The following MAPK10 variants were observed in gnomAD, a reference collection of about 807,000 sequenced individuals.
MAPK10 encodes JNK3 alpha protein kinase.
MAPK10 carries 25 observed loss-of-function variants against 59.3 expected under a neutral mutation model. The ratio of observed to expected loss-of-function variants is 0.42; its 90% CI spans 0.31 to 0.59. The LOEUF (loss-of-function observed/expected upper bound fraction) is 0.59. MAPK10 is among the 20% of genes least tolerant of loss of function. The pLI, the probability that MAPK10 is intolerant of heterozygous loss-of-function variation, is 0.15. For synonymous variants in MAPK10, 190 were observed against 200.5 expected (o/e 0.95, Z 0.44); for missense variants, 351 against 568.9 (o/e 0.62, Z 3.90).
At chr4:86,428,332 T>C (rs1747579054) in intron 1 of MAPK10, among the ~76,000 whole-genome samples, 1 of 152,104 alleles carries the variant, frequency 6.6e-6, no homozygotes, top group South Asian at 2.1e-4. Flanking sequence ...TTTGTTTTTG[T>C]ATTTTTTGTG....
chr4:86,179,218 A>G (rs186361802), intron 3 of MAPK10, among the ~76,000 whole-genome samples: 35 of 152,192 alleles, frequency 2.3e-4, no homozygotes, highest in African/African-American at 7.7e-4. Context: ...AAATAAAAAA[A>G]GAAAGAAAAG....
At chr4:86,309,121 A>G (rs549798967) in intron 2 of MAPK10, among the ~76,000 whole-genome samples, 3 of 152,316 alleles carry the variant, frequency 2.0e-5, no homozygotes, top group Non-Finnish European at 4.4e-5. Flanking sequence ...ATGGGACAGT[A>G]TTCTTTGCTG....
At chr4:86,126,783 C>T (rs1049948526) in intron 4 of MAPK10, among the ~76,000 whole-genome samples, 6 of 151,960 alleles carry the variant, frequency 3.9e-5, no homozygotes, top group Admixed American at 6.6e-5. Flanking sequence ...AACCTTAAAT[C>T]GCCCTCCTCC....
chr4:86,506,594 T>C (rs1237463592), intron 1 of MAPK10, among the ~76,000 whole-genome samples: 1 of 152,106 alleles, frequency 6.6e-6, no homozygotes, highest in Non-Finnish European at 1.5e-5. Flanking sequence ...AATAGTTTAT[T>C]TGAAAGGGGG....
chr4:86,132,362 T>A (rs1187193549), intron 4 of MAPK10, among the ~76,000 whole-genome samples: 1 of 152,214 alleles, frequency 6.6e-6, no homozygotes, highest in Non-Finnish European at 1.5e-5. Flanking sequence ...TTTTTTGTAT[T>A]GGGAAATGCA....
At chr4:86,465,160 C>T (rs1399241474) in intron 1 of MAPK10, among the ~76,000 whole-genome samples, 1 of 152,210 alleles carries the variant, frequency 6.6e-6, no homozygotes, top group Non-Finnish European at 1.5e-5. Context: ...GGGAGACTAG[C>T]TTATGTACAT....
chr4:86,236,294 A>C (rs2092221633), intron 2 of MAPK10, among the ~76,000 whole-genome samples: 1 of 152,192 alleles, frequency 6.6e-6, no homozygotes, highest in Non-Finnish European at 1.5e-5. Context: ...ACATATTCAG[A>C]GGTTCCAGGA....
chr4:86,373,188 G>C (rs1443371720), intron 1 of MAPK10, among the ~76,000 whole-genome samples: 1 of 152,156 alleles, frequency 6.6e-6, no homozygotes, highest in Non-Finnish European at 1.5e-5. Flanking sequence ...AACGACGTTG[G>C]GAAAACTGGC....
chr4:86,428,706 C>G (rs1040378526), intron 1 of MAPK10, among the ~76,000 whole-genome samples: 3 of 152,134 alleles, frequency 2.0e-5, no homozygotes, highest in African/African-American at 7.2e-5. Flanking sequence ...AGAGTCCTTC[C>G]ACAATGTAAG....
intron 4 of MAPK10, among the ~76,000 whole-genome samples, chr4:86,128,733 A>T (rs929499222): frequency 1.2e-4 from 18 of 152,104 alleles, no homozygotes; most frequent in African/African-American, 3.9e-4. Flanking sequence ...TAGAAATAAG[A>T]AGTAAATTTT....
At chr4:86,412,782 A>G (rs1485561154) in intron 1 of MAPK10, among the ~76,000 whole-genome samples, 4 of 152,086 alleles carry the variant, frequency 2.6e-5, no homozygotes, top group Non-Finnish European at 5.9e-5. Context: ...TACACTGTTT[A>G]TTCTAGTTAG....
At chr4:86,520,113 A>G (rs1370125967) in intron 1 of MAPK10, among the ~76,000 whole-genome samples, 1 of 152,194 alleles carries the variant, frequency 6.6e-6, no homozygotes. Flanking sequence ...TCTTTCTGCA[A>G]TGAATTTCCT....
chr4:86,530,373 A>T (rs1336843667), intron 1 of MAPK10, among the ~76,000 whole-genome samples: 2 of 152,204 alleles, frequency 1.3e-5, no homozygotes, highest in African/African-American at 4.8e-5. Context: ...TATTGCATGA[A>T]TGAATGGATG....
chr4:86,400,912 A>C (rs540425857), intron 1 of MAPK10, among the ~76,000 whole-genome samples: 19 of 152,310 alleles, frequency 1.2e-4, no homozygotes, highest in African/African-American at 3.8e-4. Flanking sequence ...CAAAAATACA[A>C]GAAGATTTTT....
intron 4 of MAPK10, among the ~76,000 whole-genome samples, chr4:86,142,469 T>C (rs1315391387): frequency 6.6e-6 from 1 of 152,148 alleles, no homozygotes; most frequent in Admixed American, 6.5e-5. Flanking sequence ...TTTTCCAGTA[T>C]CTCTTATGTT....
At chr4:86,214,136 T>A (rs1011589966) in intron 2 of MAPK10, among the ~76,000 whole-genome samples, 1 of 152,092 alleles carries the variant, frequency 6.6e-6, no homozygotes, top group Non-Finnish European at 1.5e-5. Context: ...CATTATGTGA[T>A]TATTTCAATT....
intron 4 of MAPK10, among the ~76,000 whole-genome samples, chr4:86,150,848 T>C (rs971786982): frequency 3.9e-5 from 6 of 151,986 alleles, no homozygotes; most frequent in Admixed American, 1.3e-4. Context: ...GGCGACAGAG[T>C]GAGACTCCGT....
chr4:86,025,227 C>A, intron 13 of MAPK10: 4 of 307,166 alleles, frequency 1.3e-5, no homozygotes, highest in Non-Finnish European at 2.4e-5. Context: ...TGCTACTAGT[C>A]AATTCTTTTT....
chr4:86,592,317 G>GA (rs1201895318), intron 1 of MAPK10, among the ~76,000 whole-genome samples: 1 of 151,100 alleles, frequency 6.6e-6, no homozygotes, highest in African/African-American at 2.4e-5. Context: ...GATTACTGGT[G>GA]AAAATGCCTT....
Sources: allele counts gnomAD v4.1 joint callset (sites outside exome capture counted in the v4.1 genomes callset), GRCh38; gene constraint gnomAD v4.1.1; transcripts MANE v1.5; gene names NCBI Gene and HGNC (gene_info 2026-07-23, HGNC 2026-07-21).